The following EMP2 variants were observed in gnomAD, a reference collection of about 807,000 sequenced individuals.
The protein encoded by EMP2 is epithelial membrane protein 2.
Under a neutral mutation model 13.7 loss-of-function variants are expected in EMP2, and 19 were observed. That is an observed-to-expected ratio of 1.38 (90% CI 0.97 to 2.03). The LOEUF (loss-of-function observed/expected upper bound fraction) is 2.03. Among genes scored for constraint, EMP2 ranks in the 30% most tolerant of loss-of-function variants. The pLI, the probability that EMP2 is intolerant of heterozygous loss-of-function variation, is 0.00. For missense variants in EMP2, 253 were observed against 220.7 expected, an observed-to-expected ratio of 1.15 and a Z score of -0.93; for synonymous variants, 97 against 84.7, an observed-to-expected ratio of 1.15 and a Z score of -0.80.
chr16:10,541,663 G>C (rs2050699748), intron 3 of EMP2, among the ~76,000 whole-genome samples: 1 of 152,212 alleles, frequency 6.6e-6, no homozygotes, highest in Admixed American at 6.5e-5. Context: ...CCCAGGGCCA[G>C]AGGTTAGCAT....
chr16:10,578,061 T>C (rs1369272096), intron 1 of EMP2: 1 of 150,150 alleles, frequency 6.7e-6, no homozygotes, highest in Non-Finnish European at 1.5e-5. Flanking sequence ...CGCCAGCCCA[T>C]CTGGCCTGGA....
At chr16:10,560,805 C>T (rs528042576) in intron 1 of EMP2, among the ~76,000 whole-genome samples, 7 of 152,062 alleles carry the variant, frequency 4.6e-5, no homozygotes, top group East Asian at 1.9e-4. Flanking sequence ...TCGGGACGCC[C>T]CACAGTGCAG....
chr16:10,561,633 A>G (rs1029369399), intron 1 of EMP2, among the ~76,000 whole-genome samples: 6 of 152,108 alleles, frequency 3.9e-5, no homozygotes, highest in African/African-American at 1.2e-4. Flanking sequence ...AAAGCCCTTC[A>G]TTTTTCTTCC....
At chr16:10,577,384 G>A (rs1243985119) in intron 1 of EMP2, among the ~76,000 whole-genome samples, 3 of 152,118 alleles carry the variant, frequency 2.0e-5, no homozygotes, top group Non-Finnish European at 2.9e-5. Context: ...CTCGCTGGGT[G>A]GCAGCTCTGC....
chr16:10,578,800 A>G (rs1364165690), intron 1 of EMP2, among the ~76,000 whole-genome samples: 7 of 152,148 alleles, frequency 4.6e-5, no homozygotes, highest in Admixed American at 4.6e-4. Context: ...GAGATCCAAA[A>G]ACCCTCAGTG....
At chr16:10,557,835 C>G (rs1439515831) in intron 1 of EMP2, among the ~76,000 whole-genome samples, 12 of 151,952 alleles carry the variant, frequency 7.9e-5, no homozygotes, top group Admixed American at 7.9e-4. Flanking sequence ...GAAAAAGAAC[C>G]CATAACCAGG....
intron 3 of EMP2, 85 bp downstream of exon 3, chr16:10,543,485 C>T (rs987292648): frequency 9.7e-6 from 14 of 1,445,772 alleles, no homozygotes; most frequent in African/African-American, 7.0e-5. Context: ...GGAGAGGGTA[C>T]GGAGTCGGGG....
chr16:10,570,598 A>T, intron 1 of EMP2, among the ~76,000 whole-genome samples: 1 of 152,118 alleles, frequency 6.6e-6, no homozygotes, highest in East Asian at 1.9e-4. Context: ...GGGTTTCTTT[A>T]CATTGGCCAG....
At chr16:10,545,711 T>C (rs1375855201) in intron 2 of EMP2, 1 of 152,196 alleles carries the variant, frequency 6.6e-6, no homozygotes, top group Non-Finnish European at 1.5e-5. Context: ...TATATTAAAA[T>C]GTAATAATAA....
chr16:10,552,164 A>G lies in EMP2; in HGVS notation c.-60-4487T>C, dbSNP rs1217719521. ...AGATGCATTTCTGACCCTGGGGGGA[A>G]AAAGGGCTCATGTACCACGCTGAAT... On this transcript the variant is annotated intron_variant, in intron 1 of 4. Coordinates refer to ENST00000359543, the MANE Select transcript of EMP2 (RefSeq NM_001424.6). Among the ~76,000 whole-genome samples the G allele has an allele frequency of 3.3e-5, 5 of 151,606 alleles. No homozygotes were observed. The South Asian group carries it at 1.0e-3, about 32-fold the overall frequency.
rs143318656 is a variant in EMP2 at position 10,533,048 on chromosome 16, C to T, written c.361G>A (p.Glu121Lys). The T allele has an allele frequency of 3.4e-4, 553 of 1,609,706 alleles. No individual in the cohort carries two copies. Among genetic ancestry groups the T allele is most frequent in the Non-Finnish European group, 4.4e-4 (523 of 1,177,960 alleles). ...IAASIYTDRR[E>K]DIHDKNAKFY... ...TTCGCGTTTTTGTCGTGAATGTCTTCACGCCTGTCTGTATAAATGGAGGCC... is the reference window on the plus strand; with the variant it reads ...TTCGCGTTTTTGTCGTGAATGTCTTTACGCCTGTCTGTATAAATGGAGGCC... The change falls in exon 5 of 5, where the codon GAA becomes AAA. Residue 121 changes from glutamate to lysine, a missense_variant. Coordinates refer to ENST00000359543, the MANE Select transcript of EMP2 (RefSeq NM_001424.6).
At chr16:10,567,211 C>G (rs2050912048) in intron 1 of EMP2, among the ~76,000 whole-genome samples, 1 of 152,232 alleles carries the variant, frequency 6.6e-6, no homozygotes, top group Non-Finnish European at 1.5e-5. Flanking sequence ...GGTCTCATCA[C>G]TGCTCTGTCC....
In EMP2 at chr16:10,530,717, A is replaced by T. The variant is rs901114122; in HGVS notation, c.*2188T>A. 6.6e-6 allele frequency: 1 copy of T among 152,268 alleles called. No homozygotes were observed. Among genetic ancestry groups the T allele is most frequent in the African/African-American group, 2.4e-5 (1 of 41,430 alleles). 9.4% of individuals were successfully genotyped at this position (152,268 alleles called of 1,614,324 possible). A position where few individuals can be genotyped will look rare whatever the true frequency, so the allele number is the denominator to read the frequency against. ...CAGACCCTCTGAATCAGCCTGTCCC[A>T]AGCAGCACGGGAACCCCTAAAGCTT... On this transcript the variant is annotated 3_prime_UTR_variant, in exon 5 of 5. Transcript: ENST00000359543.
chr16:10,554,388 A>T (rs2050811946), intron 1 of EMP2, among the ~76,000 whole-genome samples: 1 of 152,078 alleles, frequency 6.6e-6, no homozygotes, highest in South Asian at 2.1e-4. Flanking sequence ...CCTTGATGTT[A>T]TGTCTTTGGC....
At chr16:10,571,652 G>A (rs4780948) in intron 1 of EMP2, among the ~76,000 whole-genome samples, 113,129 of 152,182 alleles carry the variant, frequency 0.74, 43,016 homozygotes, top group African/African-American at 0.9. Flanking sequence ...TTCTGGATAC[G>A]TATGGGAAAC....
intron 4 of EMP2, among the ~76,000 whole-genome samples, chr16:10,534,559 A>G (rs2050632750): frequency 6.6e-6 from 1 of 152,150 alleles, no homozygotes. Flanking sequence ...TGCACCCAGG[A>G]GCTCGAGACC....
At chr16:10,549,883 CTTT>C (rs59259895) in intron 1 of EMP2, among the ~76,000 whole-genome samples, 43 of 112,248 alleles carry the variant, frequency 3.8e-4, no homozygotes, top group African/African-American at 7.5e-4. Context: ...TTTTCTTTTT[CTTT>C]TTTTTTTTTT....
At chr16:10,542,760 T>C (rs2050709805) in intron 3 of EMP2, among the ~76,000 whole-genome samples, 1 of 152,236 alleles carries the variant, frequency 6.6e-6, no homozygotes. Flanking sequence ...GCATCATTAT[T>C]ACTTCTGTTC....
At chr16:10,568,780 CTTTTTT>C (rs58406598) in intron 1 of EMP2, among the ~76,000 whole-genome samples, 5 of 85,234 alleles carry the variant, frequency 5.9e-5, no homozygotes, top group South Asian at 4.7e-4. Flanking sequence ...CTAGGATTTT[CTTTTTT>C]TTTTTTTTTT....
Sources: allele counts gnomAD v4.1 joint callset (sites outside exome capture counted in the v4.1 genomes callset), GRCh38; gene constraint gnomAD v4.1.1; transcripts MANE v1.5; gene names NCBI Gene and HGNC (gene_info 2026-07-23, HGNC 2026-07-21).